The following GAREM1 variants were observed in gnomAD, a reference collection of about 807,000 sequenced individuals.
GAREM1 encodes the protein GRB2 associated regulator of MAPK1 subtype 1.
A neutral mutation model predicts 71.3 loss-of-function variants in GAREM1; 26 were observed. The ratio of observed to expected loss-of-function variants is 0.36; its 90% CI spans 0.27 to 0.51. The LOEUF is 0.51. Among genes scored for constraint, GAREM1 ranks in the 20% least tolerant of loss-of-function variants. The probability of loss-of-function intolerance (pLI) is 0.95; values close to 1 mark genes in which losing one functional copy is unlikely to be tolerated. For missense variants in GAREM1, 1,026 were observed against 1,103.1 expected, an observed-to-expected ratio of 0.93 and a Z score of 0.99; for synonymous variants, 440 against 433.2, an observed-to-expected ratio of 1.02 and a Z score of -0.20.
At chr18:32,305,362 A>G (rs1421192283) in intron 3 of GAREM1, among the ~76,000 whole-genome samples, 1 of 152,184 alleles carries the variant, frequency 6.6e-6, no homozygotes, top group Non-Finnish European at 1.5e-5. Context: ...TCCTGTCATT[A>G]CCGATCTTAC....
At chr18:32,285,008 C>G (rs940476390) in intron 4 of GAREM1, among the ~76,000 whole-genome samples, 3 of 152,054 alleles carry the variant, frequency 2.0e-5, no homozygotes, top group Non-Finnish European at 4.4e-5. Flanking sequence ...CTCGGCCTCC[C>G]AAAGTGCTGG....
rs529231015 is a variant in GAREM1, at chr18:32,325,413, C to T, written c.263-15090G>A. 4.2e-4 allele frequency among the ~76,000 whole-genome samples: 64 copies of T among 152,242 alleles called. 1 individual carries two copies. The South Asian group carries it at 0.012, about 29-fold the overall frequency. On this transcript the variant is annotated intron_variant, in intron 2 of 5. Coordinates refer to ENST00000269209, the MANE Select transcript of GAREM1 (RefSeq NM_001242409.2). ...GTCAGTGCAGGTTCATCGATTGTCA[C>T]AAATATACCACTCTGGTGCAGGATG...
chr18:32,382,062 T>C (rs769922911), intron 2 of GAREM1, among the ~76,000 whole-genome samples: 1 of 152,206 alleles, frequency 6.6e-6, no homozygotes, highest in Non-Finnish European at 1.5e-5. Context: ...ACCTGACTTG[T>C]TCTCCAGGTA....
chr18:32,360,519 G>A (rs2047855609), intron 2 of GAREM1, among the ~76,000 whole-genome samples: 1 of 151,980 alleles, frequency 6.6e-6, no homozygotes, highest in Non-Finnish European at 1.5e-5. Flanking sequence ...TGGCCTACTG[G>A]TTTATTAGAG....
rs151117729 is a variant in GAREM1, at chr18:32,399,096, A to G, written c.122-6061T>C. 8.7e-3 allele frequency among the ~76,000 whole-genome samples: 1,320 copies of G among 152,330 alleles called. 14 individuals carry two copies. The highest frequency in any genetic ancestry group is 0.011 in the Non-Finnish European group (723 of 68,032). ...ACATGGTTATCTCAACAGATGCAGA[A>G]AAGGCCTTGGACAAAATTCAACAGC... is the stretch of plus-strand genomic sequence containing the variant. On this transcript the variant is annotated intron_variant, in intron 1 of 5. Coordinates refer to ENST00000269209, the MANE Select transcript of GAREM1 (RefSeq NM_001242409.2).
At chr18:32,438,410 G>A (rs1331277177) in intron 1 of GAREM1, among the ~76,000 whole-genome samples, 1 of 152,148 alleles carries the variant, frequency 6.6e-6, no homozygotes, top group African/African-American at 2.4e-5. Context: ...GACAGCTAGC[G>A]CTCCTCCACA....
intron 1 of GAREM1, among the ~76,000 whole-genome samples, chr18:32,421,540 G>A (rs1401334979): frequency 1.3e-5 from 2 of 152,050 alleles, no homozygotes; most frequent in African/African-American, 2.4e-5. Context: ...AAGTCCAAAC[G>A]CCGTGGGGTG....
chr18:32,428,057 T>C (rs1043858826), intron 1 of GAREM1, among the ~76,000 whole-genome samples: 11 of 152,174 alleles, frequency 7.2e-5, no homozygotes, highest in Non-Finnish European at 1.2e-4. Context: ...TTAAAAAATA[T>C]AATGCCATTA....
At chr18:32,354,178 C>T (rs773513104) in intron 2 of GAREM1, among the ~76,000 whole-genome samples, 29 of 152,186 alleles carry the variant, frequency 1.9e-4, no homozygotes, top group Non-Finnish European at 2.8e-4. Flanking sequence ...TTATATCATA[C>T]GCAAAACAAA....
chr18:32,287,866 C>T lies in GAREM1; in HGVS notation c.731G>A (p.Arg244Lys). The change falls in exon 4 of 6, where the codon AGG becomes AAG. Residue 244 changes from arginine (R) to lysine (K), a missense_variant. Arg to Lys is a conservative substitution (Grantham distance 26). This residue lies in a region of GAREM1 where 218 missense variants were observed against 296.8 expected (regional missense o/e 0.73). Transcript: ENST00000269209. The surrounding 1 kb of genome is among the most constrained non-coding windows in gnomAD (Gnocchi z 5.9). ...TGGCACAGTCACATTCACAGGAAGC[C>T]TGGTTTTCTCCACAATGTTGCGGAT... The part of the protein sequence containing the change: ...HTIRNIVEKT[R>K]LPVNVTVPSP... 1 of 1,613,858 alleles carries T rather than the reference C, an allele frequency of 6.2e-7. No homozygotes were observed. Among genetic ancestry groups the T allele is most frequent in the Non-Finnish European group, 8.5e-7 (1 of 1,179,980 alleles).
At chr18:32,445,558 C>T (rs774039508) in intron 1 of GAREM1, among the ~76,000 whole-genome samples, 9 of 152,180 alleles carry the variant, frequency 5.9e-5, no homozygotes, top group South Asian at 4.2e-4. Flanking sequence ...AAAACTATTG[C>T]TATAGTAATA....
chr18:32,432,795 A>C (rs1281825599), intron 1 of GAREM1, among the ~76,000 whole-genome samples: 3 of 152,154 alleles, frequency 2.0e-5, no homozygotes, highest in African/African-American at 7.2e-5. Context: ...ATTTGTAGTG[A>C]GACAATTTTC....
intron 1 of GAREM1, among the ~76,000 whole-genome samples, chr18:32,424,844 T>C (rs2048558688): frequency 6.6e-6 from 1 of 152,224 alleles, no homozygotes; most frequent in African/African-American, 2.4e-5. Context: ...CAAATAGTAC[T>C]TATTAAGCAC....
At chr18:32,314,855 G>A (rs1353513316) in intron 2 of GAREM1, among the ~76,000 whole-genome samples, 1 of 151,956 alleles carries the variant, frequency 6.6e-6, no homozygotes, top group East Asian at 1.9e-4. Context: ...CCAAAGTGCT[G>A]GGATTACAGG....
chr18:32,452,292 T>C (rs914250336), intron 1 of GAREM1, among the ~76,000 whole-genome samples: 50 of 152,298 alleles, frequency 3.3e-4, no homozygotes, highest in African/African-American at 1.2e-3. Flanking sequence ...CTGTCATTTG[T>C]GTCCCGGAAA....
At chr18:32,414,844 T>A (rs776716393) in intron 1 of GAREM1, among the ~76,000 whole-genome samples, 1 of 151,506 alleles carries the variant, frequency 6.6e-6, no homozygotes, top group African/African-American at 2.4e-5. Flanking sequence ...AAAATTAGTA[T>A]AAGAAATAAA....
chr18:32,273,652 C>T (rs1314135646), intron 4 of GAREM1, among the ~76,000 whole-genome samples: 1 of 152,052 alleles, frequency 6.6e-6, no homozygotes, highest in Non-Finnish European at 1.5e-5. Flanking sequence ...ATTTGAGACA[C>T]ATAGAGCTTT....
At chr18:32,357,178 G>A (rs573352130) in intron 2 of GAREM1, among the ~76,000 whole-genome samples, 9 of 152,138 alleles carry the variant, frequency 5.9e-5, no homozygotes, top group African/African-American at 1.9e-4. Context: ...AAGTCATTCC[G>A]CAAAAAGGTT....
At chr18:32,341,451 G>A (rs1435495653) in intron 2 of GAREM1, among the ~76,000 whole-genome samples, 46 of 152,134 alleles carry the variant, frequency 3.0e-4, no homozygotes, top group Non-Finnish European at 4.6e-4. Context: ...ATGTGCATGT[G>A]TCTTTACAGC....
Sources: gnomAD v4.1 joint callset for allele counts (sites outside exome capture counted in the v4.1 genomes callset) on GRCh38, gnomAD v4.1.1 for gene constraint, gnomAD v4.1.1 regional missense constraint, Gnocchi (gnomAD v3.1) non-coding constraint, MANE v1.5 for transcripts, NCBI Gene and HGNC (gene_info 2026-07-23, HGNC 2026-07-21) for gene names.